The following DPYD variants were observed in gnomAD, a reference collection of about 807,000 sequenced individuals.
DPYD encodes dihydropyrimidine dehydrogenase [NADP(+)].
DPYD carries 109 observed loss-of-function variants against 116.2 expected under a neutral mutation model. That is an observed-to-expected ratio of 0.94 (90% CI 0.80 to 1.10). DPYD has a LOEUF of 1.10. Ranked by LOEUF, DPYD falls within the 50% of genes least tolerant of loss-of-function variation. The pLI is 0.00. For missense variants in DPYD, 1,302 were observed against 1,254.5 expected (o/e 1.04, Z -0.57); for synonymous variants, 440 against 432.0 (o/e 1.02, Z -0.23).
chr1:97,863,739 G>A (rs1349241615), intron 2 of DPYD, among the ~76,000 whole-genome samples: 1 of 151,490 alleles, frequency 6.6e-6, no homozygotes, highest in African/African-American at 2.4e-5. Context: ...ATATAATATT[G>A]GAGAGCAACC....
chr1:97,674,192 T>C (rs1660020999), intron 8 of DPYD, among the ~76,000 whole-genome samples: 1 of 152,148 alleles, frequency 6.6e-6, no homozygotes, highest in Non-Finnish European at 1.5e-5. Flanking sequence ...GGAGTGGTGG[T>C]AGCAAGAAGT....
intron 18 of DPYD, among the ~76,000 whole-genome samples, chr1:97,285,992 A>G (rs1334573244): frequency 6.6e-6 from 1 of 152,092 alleles, no homozygotes; most frequent in East Asian, 1.9e-4. Context: ...TTGCTCATTA[A>G]TTGATGCAGT....
intron 16 of DPYD, among the ~76,000 whole-genome samples, chr1:97,350,039 T>G (rs1426136665): frequency 6.6e-6 from 1 of 151,176 alleles, no homozygotes; most frequent in Non-Finnish European, 1.5e-5. Flanking sequence ...AAAGACAAAG[T>G]TAATTTTTAA....
intron 18 of DPYD, among the ~76,000 whole-genome samples, chr1:97,279,609 CG>C (rs1665175503): frequency 6.6e-6 from 1 of 152,148 alleles, no homozygotes; most frequent in African/African-American, 2.4e-5. Context: ...CTCCGGAGTT[CG>C]AGCGATTCTC....
chr1:97,079,218 C>T, intron 22 of DPYD, 72 bp from the exon 23 acceptor site: 1 of 1,539,288 alleles, frequency 6.5e-7, no homozygotes, highest in Non-Finnish European at 9.0e-7. Context: ...TTAGCGTTAA[C>T]ATTTTTCTCT....
chr1:97,867,707 T>C (rs1671455664), intron 2 of DPYD, among the ~76,000 whole-genome samples: 1 of 151,728 alleles, frequency 6.6e-6, no homozygotes, highest in African/African-American at 2.4e-5. Context: ...TCATTAGGTG[T>C]AGAAAAAATG....
intron 2 of DPYD, among the ~76,000 whole-genome samples, chr1:97,867,370 G>A (rs1051432233): frequency 7.9e-5 from 12 of 151,940 alleles, no homozygotes; most frequent in Admixed American, 4.6e-4. Context: ...ATAATTGTGG[G>A]TTATGCCACT....
chr1:97,809,035 A>C (rs1435679641), intron 3 of DPYD, among the ~76,000 whole-genome samples: 1 of 152,148 alleles, frequency 6.6e-6, no homozygotes, highest in East Asian at 1.9e-4. Context: ...TAAAATATAA[A>C]GTCATGGAGG....
At chr1:97,249,382 AG>A (rs1434514154) in intron 18 of DPYD, among the ~76,000 whole-genome samples, 1 of 151,896 alleles carries the variant, frequency 6.6e-6, no homozygotes, top group South Asian at 2.1e-4. Context: ...TTTAAGAGGA[AG>A]GGGGGAGAAA....
At chr1:97,804,159 T>C (rs1279394579) in intron 3 of DPYD, among the ~76,000 whole-genome samples, 1 of 151,792 alleles carries the variant, frequency 6.6e-6, no homozygotes, top group Non-Finnish European at 1.5e-5. Context: ...TTCTCATTTG[T>C]TATGAATATC....
chr1:97,108,632 A>G (rs1235775239), intron 20 of DPYD, among the ~76,000 whole-genome samples: 1 of 152,148 alleles, frequency 6.6e-6, no homozygotes, highest in Non-Finnish European at 1.5e-5. Flanking sequence ...TAGCTATTTT[A>G]CCTCATTACT....
intron 10 of DPYD, among the ~76,000 whole-genome samples, chr1:97,584,439 C>A (rs1354837814): frequency 1.3e-5 from 2 of 152,110 alleles, no homozygotes; most frequent in East Asian, 3.9e-4. Flanking sequence ...TCAATTTTGG[C>A]TTTTGTTGCC....
intron 4 of DPYD, among the ~76,000 whole-genome samples, chr1:97,727,536 G>T (rs1332050511): frequency 1.3e-5 from 2 of 151,710 alleles, no homozygotes; most frequent in African/African-American, 4.8e-5. Context: ...GAAGGGGAAA[G>T]GTAGGGAGCC....
intron 20 of DPYD, among the ~76,000 whole-genome samples, chr1:97,107,963 C>T (rs1023121456): frequency 5.3e-5 from 8 of 151,844 alleles, no homozygotes; most frequent in African/African-American, 1.7e-4. Flanking sequence ...AAATGCTGAA[C>T]ACATACCAAG....
chr1:97,395,921 G>T (rs986856896), intron 14 of DPYD, among the ~76,000 whole-genome samples: 1 of 152,098 alleles, frequency 6.6e-6, no homozygotes, highest in African/African-American at 2.4e-5. Flanking sequence ...CCAGTCCCTA[G>T]CCCACCTGGA....
chr1:97,144,301 A>C (rs1330803033), intron 20 of DPYD, among the ~76,000 whole-genome samples: 1 of 152,222 alleles, frequency 6.6e-6, no homozygotes, highest in Non-Finnish European at 1.5e-5. Flanking sequence ...TGTATGAAGC[A>C]AGCTAAACTA....
chr1:97,866,788 G>T (rs1238241402), intron 2 of DPYD, among the ~76,000 whole-genome samples: 2 of 152,018 alleles, frequency 1.3e-5, no homozygotes, highest in Admixed American at 6.6e-5. Flanking sequence ...AGCATGTGAT[G>T]AAAGTAAGGA....
chr1:97,079,899 C>T (rs1649037412), intron 22 of DPYD, among the ~76,000 whole-genome samples: 1 of 151,916 alleles, frequency 6.6e-6, no homozygotes, highest in Non-Finnish European at 1.5e-5. Flanking sequence ...CCCTTCCTCT[C>T]TTTTTCTTTC....
chr1:97,827,699 A>T (rs1669307600), intron 3 of DPYD, among the ~76,000 whole-genome samples: 1 of 152,056 alleles, frequency 6.6e-6, no homozygotes, highest in Admixed American at 6.6e-5. Flanking sequence ...ATCCTATAAA[A>T]TGTTATAGAA....
Sources: allele counts gnomAD v4.1 joint callset (sites outside exome capture counted in the v4.1 genomes callset), GRCh38; gene constraint gnomAD v4.1.1; transcripts MANE v1.5; gene names NCBI Gene and HGNC (gene_info 2026-07-23, HGNC 2026-07-21).